The following CNBD1 variants were observed in gnomAD, a reference collection of about 807,000 sequenced individuals.
CNBD1 encodes cyclic nucleotide-binding domain-containing protein 1.
Under a neutral mutation model 54.4 loss-of-function variants are expected in CNBD1, and 71 were observed. The ratio of observed to expected loss-of-function variants is 1.30; its 90% confidence interval spans 1.08 to 1.59. CNBD1 has a LOEUF of 1.59. CNBD1 is among the 40% of genes most tolerant of loss of function. The probability of loss-of-function intolerance (pLI) is 0.00; values close to 1 mark genes in which losing one functional copy is unlikely to be tolerated. For synonymous variants in CNBD1, 182 were observed against 170.7 expected (o/e 1.07, Z -0.51); for missense variants, 659 against 518.0 (o/e 1.27, Z -2.64).
At chr8:87,281,470 C>A (rs567399171) in intron 6 of CNBD1, among the ~76,000 whole-genome samples, 1 of 143,640 alleles carries the variant, frequency 7.0e-6, no homozygotes, top group African/African-American at 2.5e-5. Flanking sequence ...TCTAACTGTT[C>A]ATTTTTTAAA....
At chr8:87,299,772 C>T (rs756754544) in intron 8 of CNBD1, among the ~76,000 whole-genome samples, 1 of 152,014 alleles carries the variant, frequency 6.6e-6, no homozygotes, top group African/African-American at 2.4e-5. Context: ...CAGATGTGGC[C>T]CTATGCTAGG....
intron 4 of CNBD1, among the ~76,000 whole-genome samples, chr8:87,052,316 T>A (rs1810328042): frequency 6.6e-6 from 1 of 152,200 alleles, no homozygotes; most frequent in Non-Finnish European, 1.5e-5. Context: ...AACTTGTTTT[T>A]TAATATTAAC....
intron 10 of CNBD1, among the ~76,000 whole-genome samples, chr8:87,367,736 T>C (rs1047067804): frequency 1.3e-5 from 2 of 152,108 alleles, no homozygotes; most frequent in African/African-American, 2.4e-5. Context: ...GAGAATAAAG[T>C]ATAGAAAGAT....
rs565494101 is a variant in CNBD1, at chr8:86,956,425, A to G, written c.431+16671A>G. Among the ~76,000 whole-genome samples, 3 of 152,292 alleles carry G rather than the reference A, an allele frequency of 2.0e-5. No homozygotes were observed. The South Asian group carries it at 6.2e-4, about 32-fold the overall frequency. Reference sequence around the variant, plus strand: ...GAATCTATAAATTACCTTGGGCAGTATGACCATTTTCACGACATTGATTCT... The same window carrying G: ...GAATCTATAAATTACCTTGGGCAGTGTGACCATTTTCACGACATTGATTCT... On this transcript the variant is annotated intron_variant, in intron 4 of 10. Transcript: ENST00000518476.
At chr8:87,406,354 C>G (rs57494548) in intron 2 of CNBD1, among the ~76,000 whole-genome samples, 32,378 of 151,494 alleles carry the variant, frequency 0.21, 4,237 homozygotes, top group African/African-American at 0.38. Flanking sequence ...TTGCATTAAC[C>G]ACAGTAAATT....
At chr8:86,966,100 C>A (rs1236371521) in intron 4 of CNBD1, among the ~76,000 whole-genome samples, 3 of 152,166 alleles carry the variant, frequency 2.0e-5, no homozygotes, top group Non-Finnish European at 4.4e-5. Context: ...CATGGGTGGG[C>A]CCAGAAGAGC....
chr8:87,141,077 A>T (rs1027826352), intron 4 of CNBD1, among the ~76,000 whole-genome samples: 89 of 152,178 alleles, frequency 5.8e-4, no homozygotes, highest in Non-Finnish European at 8.2e-4. Flanking sequence ...ATTTTTAAAC[A>T]TGTAAAGGTT....
chr8:86,878,105 T>TGTGTATGTGTGA (rs56785226), intron 1 of CNBD1, among the ~76,000 whole-genome samples: 1 of 140,876 alleles, frequency 7.1e-6, no homozygotes, highest in Non-Finnish European at 1.6e-5. Flanking sequence ...TGTGTGTGTG[T>TGTGTATGTGTGA]GAGAGAGAGA....
rs371822621 is a variant in CNBD1, at chr8:86,952,898, C to T, written c.431+13144C>T. Among the ~76,000 whole-genome samples, 15 of 152,282 alleles carry T rather than the reference C, an allele frequency of 9.9e-5. No individual in the cohort carries two copies. In the East Asian group the frequency reaches 2.5e-3, roughly 25 times the overall value. The stretch of plus-strand genomic sequence containing the variant: ...CCTTGTGCCCACCCTCTGTTCCAAG[C>T]AACCACTTATCTGCTTTCTGTCAGT... On this transcript the variant is annotated intron_variant, in intron 4 of 10. Coordinates refer to ENST00000518476, the MANE Select transcript of CNBD1 (RefSeq NM_173538.3).
intron 4 of CNBD1, among the ~76,000 whole-genome samples, chr8:87,009,868 G>T (rs755914474): frequency 1.3e-5 from 2 of 152,070 alleles, no homozygotes; most frequent in Non-Finnish European, 2.9e-5. Flanking sequence ...CAATAATTTT[G>T]TTAAGTTCTT....
chr8:87,297,586 G>A (rs6992170), intron 8 of CNBD1, among the ~76,000 whole-genome samples: 57,494 of 151,880 alleles, frequency 0.38, 11,130 homozygotes, highest in Middle Eastern at 0.45. Flanking sequence ...CTAAAAAGTG[G>A]CTAGAGCTAA....
intron 4 of CNBD1, among the ~76,000 whole-genome samples, chr8:87,185,750 C>CCAAAA (rs1813461554): frequency 7.0e-6 from 1 of 143,464 alleles, no homozygotes; most frequent in African/African-American, 2.4e-5. Flanking sequence ...GATAAATACT[C>CCAAAA]ATTAATAATT....
chr8:87,225,716 C>T (rs1814469099), intron 5 of CNBD1, among the ~76,000 whole-genome samples: 1 of 151,880 alleles, frequency 6.6e-6, no homozygotes, highest in Non-Finnish European at 1.5e-5. Context: ...TTGGTTGTGT[C>T]TCTGCTCGGC....
intron 10 of CNBD1, among the ~76,000 whole-genome samples, chr8:87,367,836 G>A (rs2130943907): frequency 6.6e-6 from 1 of 152,220 alleles, no homozygotes; most frequent in African/African-American, 2.4e-5. Flanking sequence ...GGATGAGAGA[G>A]AACTATGGGG....
At chr8:86,994,740 G>T (rs570007570) in intron 4 of CNBD1, among the ~76,000 whole-genome samples, 1 of 151,806 alleles carries the variant, frequency 6.6e-6, no homozygotes, top group African/African-American at 2.4e-5. Flanking sequence ...TGTGTGTGTC[G>T]CTTCTCCGTC....
At chr8:87,383,378 C>A (rs1185695134), downstream of CNBD1, among the ~76,000 whole-genome samples, 2 of 152,134 alleles carry the variant, frequency 1.3e-5, no homozygotes, top group East Asian at 3.9e-4. Context: ...TACGTTTATT[C>A]AATACCTACC....
chr8:87,378,760 A>G (rs991487058), intron 10 of CNBD1, among the ~76,000 whole-genome samples: 1 of 151,196 alleles, frequency 6.6e-6, no homozygotes, highest in African/African-American at 2.5e-5. Context: ...GGACATTTTC[A>G]TGATATTGAT....
chr8:86,894,283 G>T lies in CNBD1; in HGVS notation c.158+6672G>T, dbSNP rs920079633. 1.2e-4 allele frequency among the ~76,000 whole-genome samples: 18 copies of T among 149,986 alleles called. 1 individual carries two copies. Among genetic ancestry groups the T allele is most frequent in the African/African-American group, 4.4e-4 (18 of 40,916 alleles). On this transcript the variant is annotated intron_variant, in intron 2 of 10. Transcript: ENST00000518476. ...TCACCTTGTTAGCCAGGATGGTCTC[G>T]ATCTCCTGACCTCATGATCCACCCG...
intron 1 of CNBD1, among the ~76,000 whole-genome samples, chr8:86,882,328 A>G (rs1419749690): frequency 6.6e-6 from 1 of 152,192 alleles, no homozygotes; most frequent in African/African-American, 2.4e-5. Flanking sequence ...CAAATTTACA[A>G]GAAAAAAACA....
Sources: gnomAD v4.1 joint callset for allele counts (sites outside exome capture counted in the v4.1 genomes callset) on GRCh38, gnomAD v4.1.1 for gene constraint, MANE v1.5 for transcripts, NCBI Gene and HGNC (gene_info 2026-07-23, HGNC 2026-07-21) for gene names.